FBXL17: variants seen among roughly 807,000 people sequenced by gnomAD.
FBXL17 encodes the protein F-box and leucine rich repeat protein 17.
A neutral mutation model predicts 66.2 loss-of-function variants in FBXL17; 22 were observed. The ratio of observed to expected loss-of-function variants is 0.33; its 90% confidence interval spans 0.24 to 0.47. FBXL17 has a LOEUF of 0.47. Among genes scored for constraint, FBXL17 ranks in the 20% least tolerant of loss-of-function variants. FBXL17 has a pLI of 1.00. For synonymous variants in FBXL17, 474 were observed against 400.5 expected (o/e 1.18, Z -2.19); for missense variants, 878 against 948.2 (o/e 0.93, Z 0.97).
intron 4 of FBXL17, among the ~76,000 whole-genome samples, chr5:108,254,195 A>G (rs1034188572): frequency 6.6e-6 from 1 of 152,222 alleles, no homozygotes; most frequent in Admixed American, 6.5e-5. Flanking sequence ...CTGGTAAATG[A>G]GATAATTATG....
rs529104096 is a variant in FBXL17, at chr5:107,889,570, G to A, written c.1823-8391C>T. 1.6e-4 allele frequency among the ~76,000 whole-genome samples: 25 copies of A among 152,316 alleles called. 1 individual carries two copies. The South Asian group carries it at 3.9e-3, about 24-fold the overall frequency. On this transcript the variant is annotated intron_variant, in intron 7 of 8. Coordinates refer to ENST00000542267, the MANE Select transcript of FBXL17 (RefSeq NM_001163315.3). ...TTCAGAAGAGCAACACGTAGGTATTGTCTGACTCACAAAGGGAGCAAGCTA... is the reference window on the plus strand; with the variant it reads ...TTCAGAAGAGCAACACGTAGGTATTATCTGACTCACAAAGGGAGCAAGCTA...
At chr5:108,344,628 A>G (rs181127870) in intron 4 of FBXL17, among the ~76,000 whole-genome samples, 10 of 152,314 alleles carry the variant, frequency 6.6e-5, no homozygotes, top group African/African-American at 1.2e-4. Context: ...GGCCTATATA[A>G]CAAATGGCAG....
intron 4 of FBXL17, chr5:108,299,777 A>C (rs965515689): frequency 3.8e-5 from 37 of 985,036 alleles, no homozygotes; most frequent in Admixed American, 1.2e-4. Flanking sequence ...GAAATTCGGA[A>C]GGCTCCAGAA....
intron 6 of FBXL17, among the ~76,000 whole-genome samples, chr5:108,071,732 C>G (rs568514279): frequency 1.3e-5 from 2 of 152,248 alleles, no homozygotes; most frequent in South Asian, 4.1e-4. Context: ...TGCATTTTCC[C>G]CTTTCATTCA....
At chr5:108,364,307 T>C (rs1395450193) in intron 3 of FBXL17, among the ~76,000 whole-genome samples, 1 of 152,060 alleles carries the variant, frequency 6.6e-6, no homozygotes, top group Non-Finnish European at 1.5e-5. Flanking sequence ...AATTAGGCCT[T>C]TGTTCTAACT....
chr5:108,363,017 T>C (rs1748439218), intron 3 of FBXL17, among the ~76,000 whole-genome samples: 1 of 152,004 alleles, frequency 6.6e-6, no homozygotes, highest in South Asian at 2.1e-4. Flanking sequence ...AGGCAAATCA[T>C]CAATTATGGC....
At chr5:107,977,314 A>ATAC (rs1221864634) in intron 7 of FBXL17, among the ~76,000 whole-genome samples, 2 of 152,150 alleles carry the variant, frequency 1.3e-5, no homozygotes, top group Non-Finnish European at 2.9e-5. Context: ...GTATTTTCCA[A>ATAC]ATGATAAGGA....
chr5:108,196,807 G>A (rs1753698969), intron 5 of FBXL17, among the ~76,000 whole-genome samples: 2 of 152,086 alleles, frequency 1.3e-5, no homozygotes, highest in Non-Finnish European at 2.9e-5. Flanking sequence ...CTTTCTCATA[G>A]CATACAATTA....
intron 6 of FBXL17, among the ~76,000 whole-genome samples, chr5:108,030,699 G>C (rs903735091): frequency 5.3e-5 from 8 of 151,990 alleles, no homozygotes; most frequent in African/African-American, 1.7e-4. Flanking sequence ...ACTAAATAAA[G>C]GCATAACATT....
In FBXL17 at chr5:107,928,068, A is replaced by G. The variant is rs374098745; in HGVS notation, c.1823-46889T>C. 3.3e-4 allele frequency among the ~76,000 whole-genome samples: 51 copies of G among 152,250 alleles called. 1 individual carries two copies. Among genetic ancestry groups the G allele is most frequent in the African/African-American group, 1.1e-3 (44 of 41,572 alleles). On this transcript the variant is annotated intron_variant, in intron 7 of 8. Transcript: ENST00000542267. The stretch of plus-strand genomic sequence containing the variant: ...AGGAGGTTCTTGGATAATCCCTGCC[A>G]TAACAAAGAAAATTCTAAATAATAA...
At chr5:108,150,732 G>A (rs2149995681) in intron 6 of FBXL17, among the ~76,000 whole-genome samples, 1 of 152,262 alleles carries the variant, frequency 6.6e-6, no homozygotes, top group Non-Finnish European at 1.5e-5. Context: ...TACTGTAAGA[G>A]GTGCTGTACT....
At chr5:108,223,701 C>G (rs1313884232) in intron 5 of FBXL17, among the ~76,000 whole-genome samples, 2 of 152,042 alleles carry the variant, frequency 1.3e-5, no homozygotes, top group Non-Finnish European at 2.9e-5. Flanking sequence ...AAATTTTTGT[C>G]ATATATTCAC....
intron 6 of FBXL17, among the ~76,000 whole-genome samples, chr5:108,044,314 T>A (rs1424498605): frequency 6.6e-6 from 1 of 152,202 alleles, no homozygotes; most frequent in Non-Finnish European, 1.5e-5. Flanking sequence ...TCAGTGGCAG[T>A]ATTTTTTTGT....
chr5:107,932,543 T>C (rs1402351983), intron 7 of FBXL17, among the ~76,000 whole-genome samples: 2 of 152,188 alleles, frequency 1.3e-5, no homozygotes, highest in Non-Finnish European at 2.9e-5. Context: ...CTGAACTTTC[T>C]AGCCCAAACA....
chr5:108,054,246 T>TA (rs34035220), intron 6 of FBXL17, among the ~76,000 whole-genome samples: 2,021 of 146,126 alleles, frequency 0.014, 44 homozygotes, highest in African/African-American at 0.049. Flanking sequence ...AAATAAAAAT[T>TA]AAAAAAAAAA....
chr5:108,298,120 A>G, intron 4 of FBXL17: 1 of 960,946 alleles, frequency 1.0e-6, no homozygotes, highest in Non-Finnish European at 1.2e-6. Context: ...ATTTACTATT[A>G]TATAACTAAT....
chr5:107,895,620 G>A (rs766905915), intron 7 of FBXL17, among the ~76,000 whole-genome samples: 13 of 151,968 alleles, frequency 8.6e-5, no homozygotes, highest in Non-Finnish European at 1.6e-4. Context: ...CCCCATCCCC[G>A]CTTTTCTGCA....
chr5:108,168,746 C>T (rs1053531669), intron 6 of FBXL17, among the ~76,000 whole-genome samples: 27 of 151,856 alleles, frequency 1.8e-4, no homozygotes, highest in African/African-American at 6.3e-4. Context: ...CCCATGCATA[C>T]CCCCAAGAAA....
intron 4 of FBXL17, among the ~76,000 whole-genome samples, chr5:108,235,766 T>C (rs1435510152): frequency 6.6e-6 from 1 of 152,246 alleles, no homozygotes; most frequent in Non-Finnish European, 1.5e-5. Flanking sequence ...TCCTGTTCAC[T>C]ACTCTAGCCC....
Sources: gnomAD v4.1 joint callset for allele counts (sites outside exome capture counted in the v4.1 genomes callset) on GRCh38, gnomAD v4.1.1 for gene constraint, MANE v1.5 for transcripts, NCBI Gene and HGNC (gene_info 2026-07-23, HGNC 2026-07-21) for gene names.